The following C10orf90 variants were observed in gnomAD, a reference collection of about 807,000 sequenced individuals.
The protein encoded by C10orf90 is chromosome 10 open reading frame 90, also known as (E2-independent) E3 ubiquitin-conjugating enzyme FATS.
Under a neutral mutation model 62.5 loss-of-function variants are expected in C10orf90, and 56 were observed. The observed-to-expected ratio is 0.90, with a 90% CI of 0.72 to 1.12. C10orf90 has a LOEUF of 1.12. Among genes scored for constraint, C10orf90 ranks in the 50% most tolerant of loss-of-function variants. The probability of loss-of-function intolerance (pLI) is 0.00; values close to 1 mark genes in which losing one functional copy is unlikely to be tolerated. For synonymous variants in C10orf90, 386 were observed against 340.4 expected (o/e 1.13, Z -1.47); for missense variants, 970 against 880.4 (o/e 1.10, Z -1.29).
chr10:126,568,604 T>C (rs1844441073), intron 2 of C10orf90, among the ~76,000 whole-genome samples: 3 of 152,232 alleles, frequency 2.0e-5, no homozygotes, highest in South Asian at 4.1e-4. Flanking sequence ...ATGGGAATTA[T>C]ATCCTATCAC....
At chr10:126,564,281 T>A (rs980234146) in intron 2 of C10orf90, among the ~76,000 whole-genome samples, 8 of 151,910 alleles carry the variant, frequency 5.3e-5, no homozygotes, top group Non-Finnish European at 4.4e-5. Context: ...ACATCAAGAA[T>A]GGAGACCCAG....
chr10:126,662,423 A>C (rs370026520), intron 1 of C10orf90, among the ~76,000 whole-genome samples: 1 of 152,166 alleles, frequency 6.6e-6, no homozygotes, highest in East Asian at 1.9e-4. Flanking sequence ...TTCTCCCTAC[A>C]CAGCACAGAT....
At chr10:126,619,488 G>A (rs1320112756) in intron 2 of C10orf90, among the ~76,000 whole-genome samples, 1 of 152,168 alleles carries the variant, frequency 6.6e-6, no homozygotes, top group Non-Finnish European at 1.5e-5. Flanking sequence ...TCTGGTGGGT[G>A]ATAACTCATC....
intron 4 of C10orf90, among the ~76,000 whole-genome samples, chr10:126,478,365 G>A (rs139408739): frequency 1.3e-5 from 2 of 152,292 alleles, no homozygotes; most frequent in East Asian, 3.9e-4. Context: ...AGGGAGAAAT[G>A]GGACCACTGG....
chr10:126,521,033 C>A (rs140767183), intron 2 of C10orf90, among the ~76,000 whole-genome samples: 15 of 152,198 alleles, frequency 9.9e-5, no homozygotes. Context: ...AGGCCTGGAA[C>A]GTATCTTTTT....
intron 2 of C10orf90, among the ~76,000 whole-genome samples, chr10:126,570,379 G>A (rs117710244): frequency 0.01 from 1,576 of 152,340 alleles, 15 homozygotes; most frequent in Non-Finnish European, 0.018. Flanking sequence ...TGTTTCAGGA[G>A]TGAAACGCAT....
chr10:126,624,088 C>T (rs1845698709), intron 2 of C10orf90, among the ~76,000 whole-genome samples: 1 of 152,116 alleles, frequency 6.6e-6, no homozygotes, highest in Non-Finnish European at 1.5e-5. Flanking sequence ...TGGCTCACGC[C>T]TGTAATCTCA....
chr10:126,428,146 A>G (rs2133975963), intron 8 of C10orf90, among the ~76,000 whole-genome samples: 1 of 152,314 alleles, frequency 6.6e-6, no homozygotes, highest in East Asian at 1.9e-4. Context: ...ACCGAGAGAT[A>G]GTGTGTAGTA....
intron 2 of C10orf90, among the ~76,000 whole-genome samples, chr10:126,611,517 C>A (rs1482616936): frequency 6.6e-6 from 1 of 152,148 alleles, no homozygotes; most frequent in Non-Finnish European, 1.5e-5. Context: ...GATGGAGTTG[C>A]CAGGTCATAT....
chr10:126,441,463 G>A (rs1335574200), intron 7 of C10orf90, among the ~76,000 whole-genome samples: 1 of 152,074 alleles, frequency 6.6e-6, no homozygotes, highest in African/African-American at 2.4e-5. Context: ...AACATATTGG[G>A]GGAATAATCG....
chr10:126,585,895 T>G (rs1389909243), intron 2 of C10orf90, among the ~76,000 whole-genome samples: 4 of 152,162 alleles, frequency 2.6e-5, no homozygotes, highest in Non-Finnish European at 4.4e-5. Flanking sequence ...CAAGCGACCC[T>G]GGCCCCCGCC....
intron 2 of C10orf90, among the ~76,000 whole-genome samples, chr10:126,640,110 T>C (rs978824320): frequency 6.6e-6 from 1 of 152,194 alleles, no homozygotes; most frequent in African/African-American, 2.4e-5. Flanking sequence ...CAGGAGTAAA[T>C]GCGTTTTATT....
At chr10:126,522,718 C>G (rs949273795) in intron 2 of C10orf90, 1 of 152,262 alleles carries the variant, frequency 6.6e-6, no homozygotes, top group African/African-American at 2.4e-5. Flanking sequence ...ATTTAAGTCT[C>G]TTACCAGGTG....
intron 4 of C10orf90, among the ~76,000 whole-genome samples, chr10:126,478,907 G>T (rs1861034136): frequency 6.6e-6 from 1 of 152,234 alleles, no homozygotes; most frequent in South Asian, 2.1e-4. Context: ...ATGCAAAACA[G>T]GAATGAAGCG....
At chr10:126,532,084 C>T (rs1864109330) in intron 2 of C10orf90, among the ~76,000 whole-genome samples, 1 of 152,212 alleles carries the variant, frequency 6.6e-6, no homozygotes, top group Non-Finnish European at 1.5e-5. Context: ...GCAATGAACT[C>T]CCCGATCATA....
At chr10:126,637,231 C>T (rs892961354) in intron 2 of C10orf90, among the ~76,000 whole-genome samples, 7 of 152,046 alleles carry the variant, frequency 4.6e-5, no homozygotes, top group East Asian at 3.9e-4. Context: ...ATTGATTCAG[C>T]GTGGTGAGTA....
At chr10:126,487,818 T>C (rs1310663873) in intron 4 of C10orf90, among the ~76,000 whole-genome samples, 1 of 152,050 alleles carries the variant, frequency 6.6e-6, no homozygotes, top group African/African-American at 2.4e-5. Flanking sequence ...AAAAGGAAAG[T>C]CCAATTTGTG....
At chr10:126,506,949 C>T (rs1007906339) in intron 3 of C10orf90, among the ~76,000 whole-genome samples, 12 of 147,946 alleles carry the variant, frequency 8.1e-5, no homozygotes, top group African/African-American at 2.9e-4. Flanking sequence ...TGTGTGCGTG[C>T]GTGTGTGATC....
rs530370390 is a variant in C10orf90, at chr10:126,646,942, A to T, written c.241-305T>A. ...GATTTGGTTAGCAGATCAAGGAACC[A>T]CATCTAATATTTCTCTTCTGGCCCA... On this transcript the variant is annotated intron_variant, in intron 1 of 9. Transcript: ENST00000488181. Among the ~76,000 whole-genome samples the T allele has an allele frequency of 2.6e-5, 4 of 152,330 alleles. No homozygotes were observed. In the South Asian group the frequency reaches 8.3e-4, roughly 32 times the overall value.
Sources: allele counts gnomAD v4.1 joint callset (sites outside exome capture counted in the v4.1 genomes callset), GRCh38; gene constraint gnomAD v4.1.1; transcripts MANE v1.5; gene names NCBI Gene and HGNC (gene_info 2026-07-23, HGNC 2026-07-21).